Variants in GXYLT1 observed in about 807,000 individuals in gnomAD.
GXYLT1 encodes the protein glucoside xylosyltransferase 1, also known as glycosyltransferase 8 domain containing 3.
Under a neutral mutation model 54.0 loss-of-function variants are expected in GXYLT1, and 29 were observed. That is an observed-to-expected ratio of 0.54 (90% CI 0.40 to 0.73). The LOEUF (loss-of-function observed/expected upper bound fraction) is 0.73, where lower values mean the gene tolerates loss of function less well. Among genes scored for constraint, GXYLT1 ranks in the 30% least tolerant of loss-of-function variants. The pLI, the probability that GXYLT1 is intolerant of heterozygous loss-of-function variation, is 0.00. For missense variants in GXYLT1, 490 were observed against 553.4 expected (o/e 0.89, Z 1.15); for synonymous variants, 176 against 204.1 (o/e 0.86, Z 1.17).
intron 5 of GXYLT1, among the ~76,000 whole-genome samples, chr12:42,100,064 C>G (rs1308989783): frequency 6.6e-6 from 1 of 151,852 alleles, no homozygotes; most frequent in Non-Finnish European, 1.5e-5. Flanking sequence ...ATGCTTTTTT[C>G]TTAATGCTCA....
chr12:42,100,781 T>C (rs1417593136), intron 5 of GXYLT1, among the ~76,000 whole-genome samples: 1 of 152,026 alleles, frequency 6.6e-6, no homozygotes, highest in Non-Finnish European at 1.5e-5. Context: ...AAGAAAAATA[T>C]CAATTACACA....
intron 3 of GXYLT1, among the ~76,000 whole-genome samples, chr12:42,115,772 A>G (rs1482942882): frequency 6.6e-6 from 1 of 151,966 alleles, no homozygotes; most frequent in Non-Finnish European, 1.5e-5. Flanking sequence ...CAGAATTGGA[A>G]AAACTACTTT....
At chr12:42,138,897 G>A (rs2065636282) in intron 1 of GXYLT1, among the ~76,000 whole-genome samples, 1 of 152,100 alleles carries the variant, frequency 6.6e-6, no homozygotes, top group African/African-American at 2.4e-5. Context: ...AAAAAAGCTG[G>A]GCAGTTGGCA....
intron 1 of GXYLT1, among the ~76,000 whole-genome samples, chr12:42,131,003 G>A (rs547057437): frequency 1.6e-4 from 25 of 152,072 alleles, no homozygotes; most frequent in African/African-American, 5.1e-4. Context: ...AAAAAAACCC[G>A]AAAATCATGC....
rs1438282037 is a variant in GXYLT1, at chr12:42,084,178, T to C, written c.*3608A>G. On this transcript the variant is annotated 3_prime_UTR_variant, in exon 8 of 8. Coordinates refer to ENST00000398675, the MANE Select transcript of GXYLT1 (RefSeq NM_173601.2). The stretch of plus-strand genomic sequence containing the variant: ...AGGGCTACAACTCAAAAAGTAAATG[T>C]TTCCACACCATTTCTCTCCATCTCT... The C allele has an allele frequency of 6.6e-6, 1 of 152,382 alleles. No individual in the cohort carries two copies. The highest frequency in any genetic ancestry group is 2.4e-5 in the African/African-American group (1 of 41,490). The allele number at this position is 152,382 out of a possible 1,614,324, so 9.4% of individuals were successfully genotyped here.
chr12:42,137,762 GAAAAA>G (rs56387868), intron 1 of GXYLT1, among the ~76,000 whole-genome samples: 3 of 107,178 alleles, frequency 2.8e-5, no homozygotes, highest in Admixed American at 2.2e-4. Flanking sequence ...ATCTCAAATT[GAAAAA>G]AAAAAAAAAA....
intron 5 of GXYLT1, among the ~76,000 whole-genome samples, chr12:42,105,442 G>T (rs1459896401): frequency 6.6e-6 from 1 of 152,124 alleles, no homozygotes; most frequent in Non-Finnish European, 1.5e-5. Flanking sequence ...CAGAGTCTAT[G>T]CTCTTAACTG....
chr12:42,109,347 T>C (rs1314223171), intron 4 of GXYLT1, among the ~76,000 whole-genome samples: 1 of 152,152 alleles, frequency 6.6e-6, no homozygotes, highest in African/African-American at 2.4e-5. Context: ...CAACAGAAAT[T>C]ACTAAAAATT....
intron 2 of GXYLT1, among the ~76,000 whole-genome samples, chr12:42,127,687 G>C (rs2065571582): frequency 6.6e-6 from 1 of 152,206 alleles, no homozygotes; most frequent in Non-Finnish European, 1.5e-5. Flanking sequence ...ATAAATCAGA[G>C]TATGCTGAAC....
intron 1 of GXYLT1, among the ~76,000 whole-genome samples, chr12:42,142,032 A>T (rs1318099137): frequency 1.3e-5 from 2 of 152,216 alleles, no homozygotes; most frequent in Non-Finnish European, 2.9e-5. Context: ...GTTTAAAATA[A>T]AAAGAGAGAA....
At chr12:42,115,558 G>T (rs920792686) in intron 3 of GXYLT1, among the ~76,000 whole-genome samples, 4 of 152,050 alleles carry the variant, frequency 2.6e-5, no homozygotes, top group Admixed American at 2.6e-4. Flanking sequence ...AAATACCTAG[G>T]AATCCAACTT....
rs1236695949 is a variant in GXYLT1 at position 42,084,951 on chromosome 12, CAAAT to C, written c.*2831_*2834del. On this transcript the variant is annotated 3_prime_UTR_variant, in exon 8 of 8. Transcript: ENST00000398675. ...GTTCTGAGGTCAGAATACATAGACT[CAAAT>C]AATAAATCATGTAGTTTATATAAAC... 1 of 151,866 alleles carries C rather than the reference CAAAT, an allele frequency of 6.6e-6. No individual in the cohort carries two copies. Among genetic ancestry groups the C allele is most frequent in the African/African-American group, 2.4e-5 (1 of 41,364 alleles). The allele number at this position is 151,866 out of a possible 1,614,324, so 9.4% of individuals were successfully genotyped here.
chr12:42,134,975 CA>C (rs2065611523), intron 1 of GXYLT1, among the ~76,000 whole-genome samples: 1 of 152,174 alleles, frequency 6.6e-6, no homozygotes, highest in Non-Finnish European at 1.5e-5. Flanking sequence ...TTCAGTTATT[CA>C]CTCCCCACAT....
At chr12:42,098,210 C>T (rs2065368134) in intron 5 of GXYLT1, among the ~76,000 whole-genome samples, 177 bp from the exon 6 acceptor site, 1 of 152,052 alleles carries the variant, frequency 6.6e-6, no homozygotes, top group Admixed American at 6.6e-5. Context: ...TACAGTAAAA[C>T]AGAAGATAAC....
chr12:42,136,751 TATACATAC>T (rs58827513), intron 1 of GXYLT1, among the ~76,000 whole-genome samples: 85 of 147,370 alleles, frequency 5.8e-4, no homozygotes, highest in Non-Finnish European at 3.4e-4. Flanking sequence ...GGAGGTTTTT[TATACATAC>T]ATACATACAT....
intron 3 of GXYLT1, among the ~76,000 whole-genome samples, chr12:42,111,330 G>T (rs2065454044): frequency 6.6e-6 from 1 of 152,242 alleles, no homozygotes; most frequent in Admixed American, 6.5e-5. Flanking sequence ...CCGGGGCGAG[G>T]CATCGCCTCA....
At chr12:42,137,154 CAA>C (rs1691655135) in intron 1 of GXYLT1, among the ~76,000 whole-genome samples, 1 of 152,014 alleles carries the variant, frequency 6.6e-6, no homozygotes, top group African/African-American at 2.4e-5. Flanking sequence ...CAAAACTTAC[CAA>C]AGAGTCAGTG....
At chr12:42,115,617 A>C (rs1475750493) in intron 3 of GXYLT1, among the ~76,000 whole-genome samples, 4 of 152,108 alleles carry the variant, frequency 2.6e-5, no homozygotes, top group African/African-American at 9.7e-5. Flanking sequence ...ACCACTGCTC[A>C]ATGAAATAAA....
At chr12:42,138,642 C>T (rs1355719026) in intron 1 of GXYLT1, among the ~76,000 whole-genome samples, 1 of 152,194 alleles carries the variant, frequency 6.6e-6, no homozygotes, top group African/African-American at 2.4e-5. Flanking sequence ...AAACCTCATA[C>T]AGTACACACA....
Sources: allele counts gnomAD v4.1 joint callset (sites outside exome capture counted in the v4.1 genomes callset), GRCh38; gene constraint gnomAD v4.1.1; transcripts MANE v1.5; gene names NCBI Gene and HGNC (gene_info 2026-07-23, HGNC 2026-07-21).